Variants in C11orf65 observed in about 807,000 individuals in gnomAD.
C11orf65 encodes the protein chromosome 11 open reading frame 65.
C11orf65 carries 38 observed loss-of-function variants against 35.3 expected under a neutral mutation model. That is an observed-to-expected ratio of 1.08 (90% CI 0.83 to 1.41). The LOEUF is 1.41. Ranked by LOEUF, C11orf65 falls within the 40% of genes most tolerant of loss-of-function variation. The pLI is 0.00. For missense variants in C11orf65, 370 were observed against 367.1 expected, an observed-to-expected ratio of 1.01 and a Z score of -0.06; for synonymous variants, 105 against 114.4, an observed-to-expected ratio of 0.92 and a Z score of 0.53.
rs7927843 is a variant in C11orf65 at position 108,338,681 on chromosome 11, G to A, written c.227-3389C>T. On this transcript the variant is annotated intron_variant, in intron 2 of 3. Transcript: ENST00000524755. ...AAAAAAAAAAAAGTGGGGTTGGGGG[G>A]TAACCCAGATAATTAATTATTTAAT... Among the ~76,000 whole-genome samples, 1,366 of 151,972 alleles carry A rather than the reference G, an allele frequency of 9.0e-3. 20 individuals are homozygous for A. The highest frequency in any genetic ancestry group is 0.031 in the African/African-American group (1,289 of 41,392).
intron 2 of C11orf65, among the ~76,000 whole-genome samples, chr11:108,335,526 C>G (rs866903935): frequency 1.3e-5 from 2 of 152,158 alleles, no homozygotes; most frequent in Non-Finnish European, 2.9e-5. Context: ...CATTTGCTGA[C>G]GAGCTCTTTG....
At chr11:108,333,399 A>G (rs762698801) in intron 3 of C11orf65, among the ~76,000 whole-genome samples, 16 of 152,238 alleles carry the variant, frequency 1.1e-4, no homozygotes, top group Non-Finnish European at 2.1e-4. Flanking sequence ...GTCTCTAAGT[A>G]TGCTTCTAAG....
chr11:108,446,717 G>C (rs944371446), intron 2 of C11orf65, among the ~76,000 whole-genome samples: 1 of 152,134 alleles, frequency 6.6e-6, no homozygotes, highest in Non-Finnish European at 1.5e-5. Context: ...GGAAGAAACT[G>C]CATCAACTAA....
At chr11:108,309,750 A>G (rs942744373) in intron 6 of C11orf65, among the ~76,000 whole-genome samples, 1 of 152,224 alleles carries the variant, frequency 6.6e-6, no homozygotes, top group Non-Finnish European at 1.5e-5. Context: ...TGTGTCTTAG[A>G]TGAAACAATA....
chr11:108,308,596 A>G lies in C11orf65; in HGVS notation c.*375T>C, dbSNP rs4988062. On this transcript the variant is annotated 3_prime_UTR_variant, in exon 7 of 7. Coordinates refer to the C11orf65 transcript ENST00000525729. ...GATGAGTACTGCTTGAGAGTTGACC[A>G]GAACTCTGAAGAAATAGTGTAGTAG... 1,057 of 193,878 alleles carry G rather than the reference A, an allele frequency of 5.5e-3. 15 individuals carry two copies. The highest frequency in any genetic ancestry group is 0.023 in the African/African-American group (970 of 42,438). 12.0% of individuals were successfully genotyped at this position (193,878 alleles called of 1,614,324 possible).
chr11:108,447,325 T>C lies in C11orf65; in HGVS notation c.81+14154A>G, dbSNP rs531026129. On this transcript the variant is annotated intron_variant, in intron 2 of 8. Coordinates refer to ENST00000393084, the MANE Select transcript of C11orf65 (RefSeq NM_152587.5). ...AACTCTCCACCCCAAATCAACAGAA[T>C]ATACATTTTTTTTTAGCACCACACC... Among the ~76,000 whole-genome samples the C allele has an allele frequency of 3.2e-3, 485 of 152,176 alleles. 6 individuals carry two copies. Among genetic ancestry groups the C allele is most frequent in the African/African-American group, 0.011 (472 of 41,492 alleles).
At chr11:108,332,812 A>G (rs2136564986) in intron 3 of C11orf65, 1 of 1,613,482 alleles carries the variant, frequency 6.2e-7, no homozygotes, top group East Asian at 2.2e-5. Context: ...GAAGTAGGAG[A>G]CCTCAGATGG....
chr11:108,414,809 A>G (rs1011075379), intron 3 of C11orf65, among the ~76,000 whole-genome samples: 1 of 152,098 alleles, frequency 6.6e-6, no homozygotes, highest in Non-Finnish European at 1.5e-5. Flanking sequence ...AGACTTAAAA[A>G]TCCTCAAAAA....
intron 6 of C11orf65, among the ~76,000 whole-genome samples, chr11:108,310,993 G>T (rs1194254594): frequency 6.6e-6 from 1 of 152,028 alleles, no homozygotes; most frequent in East Asian, 1.9e-4. Context: ...AAATGGCCTG[G>T]GTCTCATTAT....
chr11:108,344,378 G>A (rs1290502262), intron 2 of C11orf65, among the ~76,000 whole-genome samples: 1 of 152,148 alleles, frequency 6.6e-6, no homozygotes. Context: ...ACATGAGCAG[G>A]AAAAGACAAC....
chr11:108,417,560 C>CA (rs148253553), intron 3 of C11orf65, among the ~76,000 whole-genome samples: 88,830 of 149,064 alleles, frequency 0.6, 26,656 homozygotes, highest in Middle Eastern at 0.75. Flanking sequence ...AAAACAAAAA[C>CA]AAACAAACAA....
At chr11:108,327,684 A>C (rs752531255), downstream of C11orf65, 2 of 1,614,050 alleles carry the variant, frequency 1.2e-6, no homozygotes, top group East Asian at 2.2e-5. Flanking sequence ...AGAATGTCTG[A>C]GGGTTTGTGG....
chr11:108,460,105 TA>T (rs1002770906), intron 2 of C11orf65, among the ~76,000 whole-genome samples: 2 of 152,036 alleles, frequency 1.3e-5, no homozygotes, highest in African/African-American at 4.8e-5. Context: ...CCCTGTATCT[TA>T]AAAAAACACA....
intron 3 of C11orf65, among the ~76,000 whole-genome samples, chr11:108,423,322 A>C (rs1208541104): frequency 1.3e-5 from 2 of 152,220 alleles, no homozygotes; most frequent in Non-Finnish European, 2.9e-5. Context: ...CAGCAAGCTA[A>C]GATCCACTGG....
At chr11:108,428,108 C>T (rs1471324448) in intron 3 of C11orf65, among the ~76,000 whole-genome samples, 2 of 151,500 alleles carry the variant, frequency 1.3e-5, no homozygotes, top group Non-Finnish European at 2.9e-5. Context: ...GGATTACAGG[C>T]GTGAGCCACC....
intron 3 of C11orf65, among the ~76,000 whole-genome samples, chr11:108,424,334 A>C (rs200139288): frequency 7.9e-5 from 12 of 152,084 alleles, no homozygotes; most frequent in Admixed American, 6.6e-5. Context: ...AATGAAATAA[A>C]GCATGAAGAC....
In C11orf65 at chr11:108,457,088, G is replaced by T. The variant is rs2093418747; in HGVS notation, c.81+4391C>A. Among the ~76,000 whole-genome samples, 5 of 152,094 alleles carry T rather than the reference G, an allele frequency of 3.3e-5. No individual in the cohort carries two copies. The South Asian group carries it at 1.0e-3, about 32-fold the overall frequency. On this transcript the variant is annotated intron_variant, in intron 2 of 8. Coordinates refer to ENST00000393084, the MANE Select transcript of C11orf65 (RefSeq NM_152587.5). ...CTCATCATATATAATGGGAAGTCAA[G>T]TGATTCTATGTCAGCCTGATGGAAC...
chr11:108,428,438 A>G (rs1210985361), intron 3 of C11orf65, among the ~76,000 whole-genome samples: 1 of 152,236 alleles, frequency 6.6e-6, no homozygotes, highest in Non-Finnish European at 1.5e-5. Context: ...CAGACTGGAT[A>G]AAGAAAATGT....
intron 3 of C11orf65, among the ~76,000 whole-genome samples, chr11:108,429,199 T>C (rs1047675860): frequency 1.3e-5 from 2 of 151,732 alleles, no homozygotes; most frequent in South Asian, 2.1e-4. Context: ...ACCAACCACA[T>C]AGGAAAATAT....
Sources: allele counts gnomAD v4.1 joint callset (sites outside exome capture counted in the v4.1 genomes callset), GRCh38; gene constraint gnomAD v4.1.1; transcripts MANE v1.5; gene names NCBI Gene and HGNC (gene_info 2026-07-23, HGNC 2026-07-21).